The following FRMD4A variants were observed in gnomAD, a reference collection of about 807,000 sequenced individuals.
FRMD4A encodes FERM domain containing 4A, also known as FERM domain-containing protein 4A.
In FRMD4A, 29 loss-of-function variants were observed where a neutral mutation model predicts 129.1. The observed-to-expected ratio is 0.22, with a 90% CI of 0.17 to 0.31. The LOEUF (loss-of-function observed/expected upper bound fraction) is 0.31. Among genes scored for constraint, FRMD4A ranks in the 10% least tolerant of loss-of-function variants. FRMD4A has a pLI of 1.00. For synonymous variants in FRMD4A, 634 were observed against 571.6 expected, an observed-to-expected ratio of 1.11 and a Z score of -1.56; for missense variants, 1,272 against 1,375.8, an observed-to-expected ratio of 0.92 and a Z score of 1.19.
chr10:14,008,072 G>T (rs1413048511), intron 2 of FRMD4A: 1 of 1,303,512 alleles, frequency 7.7e-7, no homozygotes, highest in Non-Finnish European at 1.0e-6. Context: ...TTTCAACGCT[G>T]CGCCTTCTCA....
intron 6 of FRMD4A, among the ~76,000 whole-genome samples, chr10:13,775,578 G>A (rs919063348): frequency 6.6e-6 from 1 of 152,122 alleles, no homozygotes; most frequent in African/African-American, 2.4e-5. Context: ...GCGAAACAAT[G>A]GTGTAAAACA....
At chr10:13,779,098 C>T (rs914385795) in intron 6 of FRMD4A, among the ~76,000 whole-genome samples, 2 of 152,114 alleles carry the variant, frequency 1.3e-5, no homozygotes, top group East Asian at 3.8e-4. Context: ...GTGGGTGGAT[C>T]ATGAGGTCAG....
At chr10:13,977,939 G>A (rs1003590326) in intron 2 of FRMD4A, among the ~76,000 whole-genome samples, 8 of 152,206 alleles carry the variant, frequency 5.3e-5, no homozygotes. Flanking sequence ...TACTATCAAT[G>A]ATGCTGCTAT....
chr10:14,079,455 A>C (rs1835801432), intron 2 of FRMD4A, among the ~76,000 whole-genome samples: 1 of 152,234 alleles, frequency 6.6e-6, no homozygotes, highest in Non-Finnish European at 1.5e-5. Flanking sequence ...AAAATGACCG[A>C]AGTGTTTTCT....
chr10:13,683,578 C>A (rs962385018), intron 15 of FRMD4A, among the ~76,000 whole-genome samples: 2 of 151,964 alleles, frequency 1.3e-5, no homozygotes, highest in African/African-American at 4.8e-5. Flanking sequence ...GCCTGGGTAA[C>A]AGAGTGAGAC....
At chr10:14,138,307 G>C (rs987505199) in intron 2 of FRMD4A, among the ~76,000 whole-genome samples, 7 of 152,086 alleles carry the variant, frequency 4.6e-5, no homozygotes, top group Admixed American at 2.0e-4. Context: ...AGTCCTACTG[G>C]GTCCAGCTGA....
intron 2 of FRMD4A, among the ~76,000 whole-genome samples, chr10:14,263,928 G>A (rs989648227): frequency 2.0e-5 from 3 of 152,196 alleles, no homozygotes; most frequent in Admixed American, 6.5e-5. Context: ...AATGGGAATC[G>A]AAAGGAAGTA....
chr10:13,661,683 G>A (rs2082651152), intron 19 of FRMD4A, among the ~76,000 whole-genome samples: 1 of 152,142 alleles, frequency 6.6e-6, no homozygotes, highest in Admixed American at 6.6e-5. Flanking sequence ...AGAGACTAGA[G>A]AGGGGGATGA....
At chr10:13,776,197 G>A (rs1400185216) in intron 6 of FRMD4A, among the ~76,000 whole-genome samples, 8 of 152,044 alleles carry the variant, frequency 5.3e-5, no homozygotes, top group East Asian at 1.9e-4. Context: ...TGCAACCTCC[G>A]CCTTTGGGGC....
At chr10:13,665,996 G>C in intron 18 of FRMD4A, 101 bp downstream of exon 18, 1 of 716,996 alleles carries the variant, frequency 1.4e-6, no homozygotes. Context: ...GGACAGTTAG[G>C]CAGCTGCTCA....
intron 2 of FRMD4A, among the ~76,000 whole-genome samples, chr10:14,278,085 G>A (rs1313830930): frequency 2.0e-5 from 3 of 152,236 alleles, no homozygotes; most frequent in African/African-American, 7.2e-5. Context: ...ATTCTGGACC[G>A]CTTTGGCAGG....
intron 2 of FRMD4A, among the ~76,000 whole-genome samples, chr10:14,285,084 A>T (rs1478565417): frequency 6.6e-6 from 1 of 152,170 alleles, no homozygotes; most frequent in Non-Finnish European, 1.5e-5. Context: ...TAATCTAAAT[A>T]TCTAAGATTG....
At chr10:14,233,978 A>G (rs946841480) in intron 2 of FRMD4A, among the ~76,000 whole-genome samples, 1 of 152,244 alleles carries the variant, frequency 6.6e-6, no homozygotes, top group Admixed American at 6.5e-5. Flanking sequence ...GAAAATTTAA[A>G]TATCTCTTCC....
intron 2 of FRMD4A, among the ~76,000 whole-genome samples, chr10:14,155,993 G>GTAAAT (rs1430554246): frequency 4.2e-4 from 64 of 152,234 alleles, no homozygotes; most frequent in African/African-American, 1.5e-3. Flanking sequence ...GTAAATGTTA[G>GTAAAT]GACACCTGTA....
At chr10:14,005,751 C>G (rs1293476164) in intron 2 of FRMD4A, among the ~76,000 whole-genome samples, 1 of 152,180 alleles carries the variant, frequency 6.6e-6, no homozygotes, top group Non-Finnish European at 1.5e-5. Context: ...GATTTAGGTC[C>G]TGCTCTGTCA....
intron 2 of FRMD4A, among the ~76,000 whole-genome samples, chr10:14,298,330 A>G (rs1846075606): frequency 6.6e-6 from 1 of 152,194 alleles, no homozygotes; most frequent in East Asian, 1.9e-4. Flanking sequence ...TCTAGTTTTC[A>G]TCTTCTCAGT....
Position 13,810,795 on chromosome 10 carries a change from G to C in FRMD4A, c.206+19C>G, listed in dbSNP as rs930604690. 9.8e-6 allele frequency: 13 copies of C among 1,322,678 alleles called. No homozygotes were observed. Among genetic ancestry groups the C allele is most frequent in the African/African-American group, 1.4e-5 (1 of 69,000 alleles). The allele number at this position is 1,322,678 out of a possible 1,614,324, so 81.9% of individuals were successfully genotyped here. On this transcript the variant is annotated intron_variant, in intron 4 of 24. Transcript: ENST00000357447. ...ACTGACTCTCCCTTCGGGCTGTGAG[G>C]GCTCAAGGCAGTACTTACGTTTCAT...
intron 2 of FRMD4A, among the ~76,000 whole-genome samples, chr10:14,064,272 T>C (rs1448273436): frequency 6.6e-6 from 1 of 152,248 alleles, no homozygotes; most frequent in Non-Finnish European, 1.5e-5. Context: ...ACTACAGCCT[T>C]GCTGAAAGAA....
chr10:13,867,876 AAAT>A (rs942136527), intron 2 of FRMD4A, among the ~76,000 whole-genome samples: 6 of 141,226 alleles, frequency 4.2e-5, no homozygotes, highest in African/African-American at 1.6e-4. Context: ...AATATATAAT[AAAT>A]AATATATAAT....
Sources: gnomAD v4.1 joint callset for allele counts (sites outside exome capture counted in the v4.1 genomes callset) on GRCh38, gnomAD v4.1.1 for gene constraint, MANE v1.5 for transcripts, NCBI Gene and HGNC (gene_info 2026-07-23, HGNC 2026-07-21) for gene names.